Variants in KCNQ5 observed in about 807,000 individuals in gnomAD.
KCNQ5 encodes the protein potassium voltage-gated channel subfamily Q member 5.
KCNQ5 carries 30 observed loss-of-function variants against 98.2 expected under a neutral mutation model. The observed-to-expected ratio is 0.31, with a 90% CI of 0.23 to 0.41. KCNQ5 has a LOEUF of 0.41. Ranked by LOEUF, KCNQ5 falls within the 10% of genes least tolerant of loss-of-function variation. KCNQ5 has a pLI of 1.00. For missense variants in KCNQ5, 835 were observed against 1,182.5 expected (o/e 0.71, Z 4.31); for synonymous variants, 458 against 449.4 (o/e 1.02, Z -0.24).
intron 1 of KCNQ5, among the ~76,000 whole-genome samples, chr6:72,842,182 A>T (rs1024428483): frequency 2.4e-4 from 36 of 152,300 alleles, no homozygotes; most frequent in Admixed American, 2.0e-3. Context: ...AGTCGATGGG[A>T]TGTGGAAGCA....
intron 7 of KCNQ5, among the ~76,000 whole-genome samples, chr6:73,117,394 G>A (rs1395883611): frequency 6.6e-6 from 1 of 152,194 alleles, no homozygotes; most frequent in Non-Finnish European, 1.5e-5. Context: ...TCATTTAAAA[G>A]GCATTTTTGG....
intron 5 of KCNQ5, among the ~76,000 whole-genome samples, chr6:73,097,727 T>G (rs1774576001): frequency 6.6e-6 from 1 of 152,134 alleles, no homozygotes; most frequent in Admixed American, 6.5e-5. Context: ...TGCCCAGTAA[T>G]CCAGAGAATT....
chr6:73,125,480 CTG>C (rs1308170092), intron 9 of KCNQ5: 1 of 517,578 alleles, frequency 1.9e-6, no homozygotes, highest in Admixed American at 1.9e-5. Flanking sequence ...ATCATTGTCA[CTG>C]TGTTTCCATA....
At chr6:73,047,409 A>C (rs1454647796) in intron 3 of KCNQ5, among the ~76,000 whole-genome samples, 2 of 152,214 alleles carry the variant, frequency 1.3e-5, no homozygotes, top group Non-Finnish European at 2.9e-5. Flanking sequence ...TGTATTTCCA[A>C]ATTGGAGACC....
intron 1 of KCNQ5, among the ~76,000 whole-genome samples, chr6:72,981,980 A>G (rs1768482951): frequency 6.6e-6 from 1 of 152,144 alleles, no homozygotes; most frequent in Non-Finnish European, 1.5e-5. Context: ...TGAGTTTCTT[A>G]TTCCTGAGTT....
intron 5 of KCNQ5, among the ~76,000 whole-genome samples, chr6:73,083,812 C>T (rs1773874388): frequency 6.6e-6 from 1 of 152,130 alleles, no homozygotes; most frequent in African/African-American, 2.4e-5. Context: ...CTCATAAGAA[C>T]ATTTATTTTA....
intron 1 of KCNQ5, among the ~76,000 whole-genome samples, chr6:72,757,615 T>A (rs761451593): frequency 6.6e-6 from 1 of 152,118 alleles, no homozygotes; most frequent in Non-Finnish European, 1.5e-5. Context: ...AAAAGCAGAA[T>A]GGCCGTATGG....
chr6:73,074,662 T>C (rs1156340695), intron 3 of KCNQ5, among the ~76,000 whole-genome samples: 1 of 152,068 alleles, frequency 6.6e-6, no homozygotes, highest in Admixed American at 6.5e-5. Context: ...CAATATATGC[T>C]TTTTCTGCCT....
At chr6:73,070,246 A>G (rs1582297061) in intron 3 of KCNQ5, among the ~76,000 whole-genome samples, 1 of 152,342 alleles carries the variant, frequency 6.6e-6, no homozygotes, top group East Asian at 1.9e-4. Context: ...GAATATAGGA[A>G]TAGGCAATAA....
intron 1 of KCNQ5, among the ~76,000 whole-genome samples, chr6:72,727,525 T>C (rs1408269015): frequency 6.7e-6 from 1 of 148,164 alleles, no homozygotes; most frequent in Non-Finnish European, 1.5e-5. Flanking sequence ...TTTTTCTGGA[T>C]TTTTTTTTTC....
At chr6:73,138,592 C>G (rs1191521668) in intron 10 of KCNQ5, among the ~76,000 whole-genome samples, 1 of 152,200 alleles carries the variant, frequency 6.6e-6, no homozygotes, top group African/African-American at 2.4e-5. Flanking sequence ...CATGTATAAC[C>G]ATGCATGTTT....
chr6:72,946,900 G>A (rs1766572236), intron 1 of KCNQ5, among the ~76,000 whole-genome samples: 1 of 152,188 alleles, frequency 6.6e-6, no homozygotes, highest in African/African-American at 2.4e-5. Flanking sequence ...GGAATGTACA[G>A]AGAGTTTCAC....
intron 1 of KCNQ5, among the ~76,000 whole-genome samples, chr6:72,929,758 T>A (rs1337651010): frequency 1.3e-5 from 2 of 152,134 alleles, no homozygotes; most frequent in East Asian, 3.8e-4. Context: ...ATGCTCATTT[T>A]ACCCAGGATA....
At chr6:72,937,978 CA>C (rs1766024992) in intron 1 of KCNQ5, among the ~76,000 whole-genome samples, 1 of 152,170 alleles carries the variant, frequency 6.6e-6, no homozygotes, top group Admixed American at 6.5e-5. Flanking sequence ...GCATATCACT[CA>C]CTCTTTCTAA....
At chr6:72,973,738 A>G (rs575555914) in intron 1 of KCNQ5, among the ~76,000 whole-genome samples, 1 of 152,348 alleles carries the variant, frequency 6.6e-6, no homozygotes, top group East Asian at 1.9e-4. Context: ...AATACAAATG[A>G]CAAAAAGGGA....
chr6:72,896,996 T>C (rs969783019), intron 1 of KCNQ5, among the ~76,000 whole-genome samples: 1 of 152,142 alleles, frequency 6.6e-6, no homozygotes. Context: ...TAAATTCTTA[T>C]CTACCATGTT....
chr6:73,081,228 C>T (rs1280876868), intron 5 of KCNQ5, among the ~76,000 whole-genome samples: 2 of 152,132 alleles, frequency 1.3e-5, no homozygotes, highest in Non-Finnish European at 2.9e-5. Flanking sequence ...ACTAAAGTTG[C>T]ATTGATGGCA....
At chr6:72,933,380 C>T (rs551233302) in intron 1 of KCNQ5, among the ~76,000 whole-genome samples, 48 of 152,254 alleles carry the variant, frequency 3.2e-4, no homozygotes, top group African/African-American at 1.1e-3. Context: ...TTGCTTCTGT[C>T]GGGATGCCAT....
intron 5 of KCNQ5, among the ~76,000 whole-genome samples, chr6:73,094,634 A>G (rs915133003): frequency 1.3e-5 from 2 of 152,186 alleles, no homozygotes; most frequent in Non-Finnish European, 2.9e-5. Context: ...GAATTCTCTC[A>G]GAATTTGTCT....
Sources: allele counts gnomAD v4.1 joint callset (sites outside exome capture counted in the v4.1 genomes callset), GRCh38; gene constraint gnomAD v4.1.1; transcripts MANE v1.5; gene names NCBI Gene and HGNC (gene_info 2026-07-23, HGNC 2026-07-21).